PHTF2: variants seen among roughly 807,000 people sequenced by gnomAD.
PHTF2 encodes the protein protein PHTF2.
PHTF2 carries 60 observed loss-of-function variants against 101.2 expected under a neutral mutation model. The observed-to-expected ratio is 0.59, with a 90% confidence interval of 0.48 to 0.73. The LOEUF (loss-of-function observed/expected upper bound fraction) is 0.73. Among genes scored for constraint, PHTF2 ranks in the 30% least tolerant of loss-of-function variants. PHTF2 has a pLI of 0.00. For missense variants in PHTF2, 747 were observed against 908.7 expected (o/e 0.82, Z 2.29); for synonymous variants, 311 against 307.3 (o/e 1.01, Z -0.13).
intron 12 of PHTF2, among the ~76,000 whole-genome samples, chr7:77,934,105 A>G (rs573327946): frequency 8.7e-4 from 133 of 152,302 alleles, no homozygotes; most frequent in African/African-American, 3.0e-3. Context: ...CCCTTTTACT[A>G]AAAAGCTACT....
intron 1 of PHTF2, among the ~76,000 whole-genome samples, chr7:77,814,421 T>C (rs1793683264): frequency 6.6e-6 from 1 of 152,188 alleles, no homozygotes; most frequent in Admixed American, 6.5e-5. Flanking sequence ...TGAATGAAAC[T>C]TACCTAACAC....
chr7:77,921,407 T>TA (rs1803445506), intron 10 of PHTF2, among the ~76,000 whole-genome samples: 1 of 152,206 alleles, frequency 6.6e-6, no homozygotes, highest in Non-Finnish European at 1.5e-5. Flanking sequence ...AGTAAAAAAA[T>TA]AGAGAGAGAG....
intron 1 of PHTF2, among the ~76,000 whole-genome samples, chr7:77,799,225 T>C (rs1386888797): frequency 6.6e-6 from 1 of 152,060 alleles, no homozygotes; most frequent in Non-Finnish European, 1.5e-5. Context: ...CCTCCCGAGC[T>C]CGCGCGGTCC....
rs368988647 is a variant in PHTF2 at position 77,950,225 on chromosome 7, C to T, written c.2115+392C>T. Among the ~76,000 whole-genome samples the T allele has an allele frequency of 1.2e-3, 177 of 152,126 alleles. 1 individual carries two copies. Among genetic ancestry groups the T allele is most frequent in the African/African-American group, 3.9e-3 (160 of 41,530 alleles). On this transcript the variant is annotated intron_variant, in intron 17 of 19. Transcript: ENST00000416283. ...ATGAATTTGTTAAATATTTTCCTCC[C>T]GCCACTTTATAGGAATTTTGTAAAG...
intron 11 of PHTF2, chr7:77,924,232 T>A: frequency 1.0e-5 from 6 of 578,938 alleles, no homozygotes; most frequent in South Asian, 7.6e-5. Flanking sequence ...AAATTTATTT[T>A]ATAAATTACT....
At chr7:77,912,176 T>C (rs1247892724) in intron 9 of PHTF2, among the ~76,000 whole-genome samples, 1 of 152,244 alleles carries the variant, frequency 6.6e-6, no homozygotes, top group African/African-American at 2.4e-5. Flanking sequence ...ACCATGATCA[T>C]GACTGCCATT....
intron 9 of PHTF2, among the ~76,000 whole-genome samples, chr7:77,918,197 T>C (rs12234422): frequency 0.054 from 8,262 of 152,250 alleles, 310 homozygotes; most frequent in South Asian, 0.17. Flanking sequence ...TTTACTGGCC[T>C]ACCCTCACCC....
intron 16 of PHTF2, among the ~76,000 whole-genome samples, chr7:77,944,241 C>T (rs1292195677): frequency 3.9e-5 from 6 of 152,100 alleles, no homozygotes; most frequent in Non-Finnish European, 8.8e-5. Context: ...TTTATGCCCA[C>T]GTAGGACAGG....
chr7:77,896,042 T>A (rs887702712), intron 5 of PHTF2: 1 of 151,636 alleles, frequency 6.6e-6, no homozygotes. Flanking sequence ...GTTCTCATTA[T>A]TTTTTTTTCC....
intron 7 of PHTF2, among the ~76,000 whole-genome samples, chr7:77,904,036 G>A (rs1801632571): frequency 6.6e-6 from 1 of 152,000 alleles, no homozygotes; most frequent in Non-Finnish European, 1.5e-5. Flanking sequence ...CAAGATTACT[G>A]CCAGGAAACC....
Position 77,925,076 on chromosome 7 carries a change from A to G in PHTF2, c.1119+2298A>G, listed in dbSNP as rs1162659820. On this transcript the variant is annotated intron_variant, in intron 11 of 19. Transcript: ENST00000416283. ...AAATATTGTTCAATTTTTACTCCCA[A>G]TTGTAGGTTAGCTTTTCATCCCAGA... 2.0e-5 allele frequency among the ~76,000 whole-genome samples: 3 copies of G among 152,134 alleles called. No individual in the cohort carries two copies. The East Asian group carries it at 5.8e-4, about 29-fold the overall frequency.
chr7:77,822,465 T>A (rs1017322667), intron 1 of PHTF2, among the ~76,000 whole-genome samples: 5 of 151,550 alleles, frequency 3.3e-5, no homozygotes, highest in Admixed American at 6.6e-5. Context: ...GGGAGGGGAG[T>A]GTGCACCCTG....
At position 77,877,115 on chromosome 7, in the gene PHTF2, CT is replaced by C. The variant is rs200021720; in HGVS notation, c.148-16475del. On this transcript the variant is annotated intron_variant, in intron 3 of 19. Transcript: ENST00000416283. ...AAGTCAGTAATGATCTTTTCTCTCT[CT>C]TTTTTTTTTTTTTTTTTGAGACAGA... Among the ~76,000 whole-genome samples, 271 of 137,210 alleles carry C rather than the reference CT, an allele frequency of 2.0e-3. 3 individuals carry two copies. The highest frequency in any genetic ancestry group is 0.014 in the South Asian group (62 of 4,338). 90.0% of individuals were successfully genotyped at this position (137,210 alleles called of 152,430 possible).
At chr7:77,938,133 G>A (rs986802689) in intron 13 of PHTF2, 2 of 155,584 alleles carry the variant, frequency 1.3e-5, no homozygotes, top group African/African-American at 2.4e-5. Flanking sequence ...ATATATACAG[G>A]TGTTAATAAA....
intron 10 of PHTF2, among the ~76,000 whole-genome samples, chr7:77,921,657 C>T (rs1189027448): frequency 2.0e-5 from 3 of 152,130 alleles, no homozygotes; most frequent in Non-Finnish European, 4.4e-5. Flanking sequence ...AGCCTCTCAT[C>T]ACTGTTATTC....
At position 77,874,462 on chromosome 7, in the gene PHTF2, G is replaced by A. The variant is rs548294116; in HGVS notation, c.148-19146G>A. 2.6e-5 allele frequency among the ~76,000 whole-genome samples: 4 copies of A among 152,176 alleles called. No individual in the cohort carries two copies. In the East Asian group the frequency reaches 7.7e-4, roughly 29 times the overall value. ...TGATTACAAGGTCTCACAATAGACC[G>A]TCTGCAAGCTGAGGAGCAAGGAGAG... On this transcript the variant is annotated intron_variant, in intron 3 of 19. Coordinates refer to ENST00000416283, the Ensembl canonical transcript of PHTF2.
intron 7 of PHTF2, among the ~76,000 whole-genome samples, chr7:77,904,166 A>G (rs904097801): frequency 6.6e-6 from 1 of 152,204 alleles, no homozygotes; most frequent in Non-Finnish European, 1.5e-5. Context: ...TGAGTTTTCA[A>G]ATCCCTCCTT....
chr7:77,832,606 C>T (rs1795156359), intron 1 of PHTF2, among the ~76,000 whole-genome samples: 1 of 152,118 alleles, frequency 6.6e-6, no homozygotes, highest in Non-Finnish European at 1.5e-5. Flanking sequence ...TTTCTAACAT[C>T]GTATCTTTGT....
chr7:77,809,428 T>C (rs1288982126), intron 1 of PHTF2, among the ~76,000 whole-genome samples: 1 of 152,018 alleles, frequency 6.6e-6, no homozygotes, highest in Non-Finnish European at 1.5e-5. Flanking sequence ...GGTTTCACCA[T>C]GTTGACCAGG....
Sources: gnomAD v4.1 joint callset for allele counts (sites outside exome capture counted in the v4.1 genomes callset) on GRCh38, gnomAD v4.1.1 for gene constraint, MANE v1.5 for transcripts, NCBI Gene and HGNC (gene_info 2026-07-23, HGNC 2026-07-21) for gene names.